TCF7L2: variants seen among roughly 807,000 people sequenced by gnomAD.
The protein encoded by TCF7L2 is transcription factor 7 like 2.
Under a neutral mutation model 77.9 loss-of-function variants are expected in TCF7L2, and 23 were observed. The observed-to-expected ratio is 0.30, with a 90% CI of 0.21 to 0.42. The LOEUF is 0.42. TCF7L2 is among the 10% of genes least tolerant of loss of function. The pLI, the probability that TCF7L2 is intolerant of heterozygous loss-of-function variation, is 1.00. For synonymous variants in TCF7L2, 413 were observed against 340.2 expected (o/e 1.21, Z -2.36); for missense variants, 654 against 793.1 (o/e 0.82, Z 2.11).
At chr10:112,968,221 C>A (rs1450353820) in intron 4 of TCF7L2, among the ~76,000 whole-genome samples, 1 of 152,124 alleles carries the variant, frequency 6.6e-6, no homozygotes, top group African/African-American at 2.4e-5. Context: ...TTGAATGGCA[C>A]AACATGAGTT....
chr10:113,101,361 A>G (rs950994179), intron 5 of TCF7L2, among the ~76,000 whole-genome samples: 2 of 151,958 alleles, frequency 1.3e-5, no homozygotes, highest in African/African-American at 4.8e-5. Flanking sequence ...TGGGCAACAT[A>G]GCAAGACCCC....
chr10:113,024,320 C>A (rs754891351), intron 4 of TCF7L2, among the ~76,000 whole-genome samples: 4 of 151,952 alleles, frequency 2.6e-5, no homozygotes, highest in Non-Finnish European at 5.9e-5. Flanking sequence ...AACAAACAAA[C>A]AAACAAACAA....
chr10:112,972,583 A>T (rs1298415386), intron 4 of TCF7L2, among the ~76,000 whole-genome samples: 1 of 152,034 alleles, frequency 6.6e-6, no homozygotes, highest in Non-Finnish European at 1.5e-5. Flanking sequence ...TGATTCTCCC[A>T]CCTCAGCCTC....
chr10:112,965,972 G>A (rs192370235), intron 4 of TCF7L2, among the ~76,000 whole-genome samples: 1 of 151,548 alleles, frequency 6.6e-6, no homozygotes, highest in African/African-American at 2.4e-5. Context: ...TCAGGAGTTC[G>A]AGACCAGCCT....
chr10:112,961,810 T>C (rs779333615), intron 3 of TCF7L2, among the ~76,000 whole-genome samples: 5 of 96,678 alleles, frequency 5.2e-5, no homozygotes, highest in Non-Finnish European at 8.0e-5. Flanking sequence ...GCTGGGCACG[T>C]GAGGGAAGTT....
chr10:112,985,860 TTG>T (rs61481377), intron 4 of TCF7L2, among the ~76,000 whole-genome samples: 31,635 of 146,208 alleles, frequency 0.22, 3,373 homozygotes, highest in Middle Eastern at 0.33. Context: ...AGCCTGTAGT[TTG>T]TGTGTGTGTG....
At chr10:112,951,893 A>AGGG (rs55688545) in intron 3 of TCF7L2, 1 of 142,856 alleles carries the variant, frequency 7.0e-6, no homozygotes, top group Non-Finnish European at 1.5e-5. Context: ...GTTGGTGGGG[A>AGGG]GGGGGGGGAA....
intron 1 of TCF7L2, 124 bp from the exon 2 acceptor site, chr10:112,951,083 C>G: frequency 7.6e-7 from 1 of 1,321,520 alleles, no homozygotes; most frequent in East Asian, 2.7e-5. Flanking sequence ...GCCACCATTG[C>G]AAAAACTTGT....
chr10:112,998,749 G>T (rs2043952231), intron 4 of TCF7L2, among the ~76,000 whole-genome samples: 1 of 152,174 alleles, frequency 6.6e-6, no homozygotes, highest in Non-Finnish European at 1.5e-5. Context: ...GCACTTCACT[G>T]CTACATTTCA....
At chr10:113,137,133 C>A (rs886262497) in intron 5 of TCF7L2, among the ~76,000 whole-genome samples, 1 of 151,750 alleles carries the variant, frequency 6.6e-6, no homozygotes, top group African/African-American at 2.4e-5. Context: ...AATTAAATAC[C>A]GCATTTTGAA....
intron 5 of TCF7L2, among the ~76,000 whole-genome samples, chr10:113,050,195 G>T (rs193185719): frequency 6.6e-6 from 1 of 152,274 alleles, no homozygotes; most frequent in African/African-American, 2.4e-5. Flanking sequence ...CCAAACAGTG[G>T]GATAAAGGCT....
intron 4 of TCF7L2, among the ~76,000 whole-genome samples, chr10:113,011,372 T>G (rs2046416954): frequency 6.6e-6 from 1 of 152,142 alleles, no homozygotes; most frequent in Non-Finnish European, 1.5e-5. Flanking sequence ...AATGGTTGTG[T>G]GGTATTCTGT....
intron 5 of TCF7L2, chr10:113,129,319 C>T: frequency 1.0e-6 from 1 of 986,488 alleles, no homozygotes; most frequent in African/African-American, 1.7e-5. Flanking sequence ...TCCCTCATGG[C>T]TGACCGTAAT....
chr10:113,157,781 C>T, intron 11 of TCF7L2: 2 of 465,280 alleles, frequency 4.3e-6, no homozygotes, highest in Non-Finnish European at 7.9e-6. Flanking sequence ...ATGAGAGCTT[C>T]CCTTCACCAC....
In TCF7L2 at chr10:112,950,799, A is replaced by C. The variant is rs1227970748; in HGVS notation, c.43A>C (p.Asn15His). 1.3e-6 allele frequency: 2 copies of C among 1,592,574 alleles called. No homozygotes were observed. The highest frequency in any genetic ancestry group is 1.1e-5 in the South Asian group (1 of 88,278). The change falls in exon 1 of 14, where the codon AAC becomes CAC. Residue 15 changes from asparagine (N) to histidine (H), a missense_variant. By Grantham distance (68) the Asn-to-His change is moderately conservative (BLOSUM62 1). Transcript: ENST00000627217. ...CGGTGGAGGGGATGACCTAGGCGCC[A>C]ACGACGAACTGATTTCCTTCAAAGA...
intron 13 of TCF7L2, among the ~76,000 whole-genome samples, chr10:113,165,079 A>T (rs1005601040): frequency 6.6e-6 from 1 of 151,308 alleles, no homozygotes; most frequent in African/African-American, 2.5e-5. Context: ...ACACTCACAC[A>T]CACACATCAC....
At chr10:112,989,296 G>A (rs1028312228) in intron 4 of TCF7L2, among the ~76,000 whole-genome samples, 1 of 151,160 alleles carries the variant, frequency 6.6e-6, no homozygotes, top group Non-Finnish European at 1.5e-5. Context: ...GTGAGGACTC[G>A]CAGCCTCAGG....
intron 5 of TCF7L2, among the ~76,000 whole-genome samples, chr10:113,124,881 T>C (rs1317090436): frequency 6.6e-6 from 1 of 151,864 alleles, no homozygotes; most frequent in African/African-American, 2.4e-5. Context: ...TCCGAAGGAG[T>C]CTAGCGGGCA....
At chr10:113,066,981 G>A (rs1270158606) in intron 5 of TCF7L2, among the ~76,000 whole-genome samples, 2 of 152,204 alleles carry the variant, frequency 1.3e-5, no homozygotes, top group Admixed American at 6.5e-5. Flanking sequence ...TTCAGAAGGC[G>A]ATATTAGAGC....
Sources: allele counts gnomAD v4.1 joint callset (sites outside exome capture counted in the v4.1 genomes callset), GRCh38; gene constraint gnomAD v4.1.1; transcripts MANE v1.5; gene names NCBI Gene and HGNC (gene_info 2026-07-23, HGNC 2026-07-21).